PLAG1: variants seen among roughly 807,000 people sequenced by gnomAD.
PLAG1 encodes the protein PLAG1 zinc finger.
In PLAG1, 7 loss-of-function variants were observed where a neutral mutation model predicts 35.5. The observed-to-expected ratio is 0.20, with a 90% CI of 0.11 to 0.37. The LOEUF is 0.37. Among genes scored for constraint, PLAG1 ranks in the 10% least tolerant of loss-of-function variants. The pLI is 1.00. For synonymous variants in PLAG1, 229 were observed against 225.4 expected, an observed-to-expected ratio of 1.02 and a Z score of -0.14; for missense variants, 454 against 602.8, an observed-to-expected ratio of 0.75 and a Z score of 2.58.
At chr8:56,176,481 G>A (rs999363954) in intron 2 of PLAG1, among the ~76,000 whole-genome samples, 14 of 151,858 alleles carry the variant, frequency 9.2e-5, no homozygotes, top group African/African-American at 3.1e-4. Context: ...TACAATGGGT[G>A]GTACAACACT....
chr8:56,202,583 A>T (rs1812585950), intron 1 of PLAG1, among the ~76,000 whole-genome samples: 1 of 152,230 alleles, frequency 6.6e-6, no homozygotes, highest in Non-Finnish European at 1.5e-5. Context: ...TCAGCCTCTG[A>T]ATGTGATCAA....
rs780686291 is a variant in PLAG1 at position 56,166,441 on chromosome 8, T to C, written c.1305A>G (p.Leu435=). Residue 435 remains leucine (L), a synonymous_variant, in exon 5 of 5, where the codon CTA becomes CTG. Coordinates refer to ENST00000316981, the MANE Select transcript of PLAG1 (RefSeq NM_002655.3). ...AGCTCATTCCAAGGCTCCCCACTGA[T>C]AGAGGATTATAGGGAGGACCATTTA... ...IPLNGPPYNP[L]SVGSLGMSYS... 8 of 1,612,798 alleles carry C rather than the reference T, an allele frequency of 5.0e-6. No homozygotes were observed. In the Admixed American group the frequency reaches 6.7e-5, roughly 13 times the overall value.
At chr8:56,182,009 A>G (rs1223431545) in intron 1 of PLAG1, among the ~76,000 whole-genome samples, 1 of 152,226 alleles carries the variant, frequency 6.6e-6, no homozygotes, top group East Asian at 1.9e-4. Flanking sequence ...AGATGATTAG[A>G]TTCTAAGATG....
chr8:56,194,308 C>T (rs988440720), intron 1 of PLAG1, among the ~76,000 whole-genome samples: 4 of 137,952 alleles, frequency 2.9e-5, no homozygotes, highest in African/African-American at 1.1e-4. Flanking sequence ...GAGGGCACAA[C>T]TCTGTCTCAA....
rs118030754 is a variant in PLAG1 at position 56,197,665 on chromosome 8, T to C, written c.-322+13456A>G. Among the ~76,000 whole-genome samples the C allele has an allele frequency of 3.2e-4, 48 of 152,332 alleles. No homozygotes were observed. The East Asian group carries it at 8.1e-3, about 26-fold the overall frequency. ...CCCACTGTGCTTAGGTCTACGTGTT[T>C]CTCTGTCTGGGATTGTGGGTCTCCC... On this transcript the variant is annotated intron_variant, in intron 1 of 4. Transcript: ENST00000316981.
chr8:56,208,290 T>C (rs1410561145), intron 1 of PLAG1, among the ~76,000 whole-genome samples: 4 of 152,160 alleles, frequency 2.6e-5, no homozygotes, highest in African/African-American at 4.8e-5. Flanking sequence ...CAGAAGATCA[T>C]TGGGCATGGA....
intron 2 of PLAG1, among the ~76,000 whole-genome samples, chr8:56,178,960 C>A (rs1811786839): frequency 6.7e-6 from 1 of 148,990 alleles, no homozygotes; most frequent in Non-Finnish European, 1.5e-5. Context: ...CTGCCCCATC[C>A]CTGTGAGCAA....
At chr8:56,195,787 G>A (rs576596442) in intron 1 of PLAG1, among the ~76,000 whole-genome samples, 4 of 152,250 alleles carry the variant, frequency 2.6e-5, no homozygotes, top group Admixed American at 6.5e-5. Flanking sequence ...GGTGCAAGCC[G>A]GGAGGGGGCC....
intron 1 of PLAG1, among the ~76,000 whole-genome samples, chr8:56,201,475 T>C (rs574473468): frequency 1.3e-5 from 2 of 152,322 alleles, no homozygotes; most frequent in African/African-American, 4.8e-5. Flanking sequence ...CAATTCCTTA[T>C]GTACAGCTTA....
chr8:56,167,407 T>A lies in PLAG1; in HGVS notation c.339A>T (p.Thr113=), dbSNP rs753198125. Residue 113 remains threonine (T), a synonymous_variant, in exon 5 of 5, where the codon ACA becomes ACT. Transcript: ENST00000316981. This position sits in a 1 kb window ranked among gnomAD's most constrained non-coding sequence, Gnocchi z 5.9. ...RKDHLKNHLH[T]HDPNKETFKC... is the part of the protein sequence containing the mutation. ...TAAACGTCTCTTTGTTAGGGTCGTG[T>A]GTATGGAGGTGATTCTTCAGATGAT... 6.2e-7 allele frequency: 1 copy of A among 1,613,558 alleles called. No homozygotes were observed. Among genetic ancestry groups the A allele is most frequent in the Admixed American group, 1.7e-5 (1 of 59,974 alleles).
In PLAG1 at chr8:56,178,584, C is replaced by A. The variant is rs76849468; in HGVS notation, c.-217+825G>T. On this transcript the variant is annotated intron_variant, in intron 2 of 4. Transcript: ENST00000316981. ...TTAATTCGTGTACCTTTGATTTGATCAAGCTCTGTTGATGTATCTTGTGAA... is the reference window on the plus strand; with the variant it reads ...TTAATTCGTGTACCTTTGATTTGATAAAGCTCTGTTGATGTATCTTGTGAA... Among the ~76,000 whole-genome samples, 18 of 152,278 alleles carry A rather than the reference C, an allele frequency of 1.2e-4. 1 individual carries two copies. In the East Asian group the frequency reaches 3.5e-3, roughly 29 times the overall value.
intron 1 of PLAG1, among the ~76,000 whole-genome samples, chr8:56,208,010 CCAGT>C (rs781472264): frequency 6.6e-6 from 1 of 152,050 alleles, no homozygotes; most frequent in Non-Finnish European, 1.5e-5. Context: ...TGACAATAAA[CCAGT>C]CATAGTGTCC....
At chr8:56,171,332 C>G (rs967881602) in intron 2 of PLAG1, 143 bp from the exon 3 acceptor site, 1 of 152,928 alleles carries the variant, frequency 6.5e-6, no homozygotes, top group Non-Finnish European at 1.5e-5. Context: ...TAATTTTCAC[C>G]AACTACATAT....
intron 1 of PLAG1, among the ~76,000 whole-genome samples, chr8:56,183,027 A>T (rs915202012): frequency 1.7e-4 from 26 of 152,196 alleles, no homozygotes; most frequent in African/African-American, 5.8e-4. Context: ...TCTGGGAAGA[A>T]TGAGAAAGGA....
intron 1 of PLAG1, among the ~76,000 whole-genome samples, chr8:56,196,607 T>C (rs1181250343): frequency 6.6e-6 from 1 of 151,938 alleles, no homozygotes; most frequent in Admixed American, 6.6e-5. Context: ...CCGCGAGCGT[T>C]TCCTGCCCCA....
At chr8:56,196,364 C>T (rs945400159) in intron 1 of PLAG1, among the ~76,000 whole-genome samples, 5 of 152,154 alleles carry the variant, frequency 3.3e-5, no homozygotes, top group African/African-American at 7.2e-5. Context: ...GTGTACATCA[C>T]GCTCAGAGGA....
intron 1 of PLAG1, among the ~76,000 whole-genome samples, chr8:56,202,103 GTCTAAT>G (rs948639383): frequency 1.3e-5 from 2 of 151,834 alleles, no homozygotes; most frequent in African/African-American, 4.8e-5. Flanking sequence ...TAAAATACTA[GTCTAAT>G]TCTACTTTAT....
chr8:56,167,047 C>A lies in PLAG1; in HGVS notation c.699G>T (p.Lys233Asn). Residue 233 changes from lysine to asparagine, a missense_variant, in exon 5 of 5, where the codon AAG (lysine) becomes AAT (asparagine). Physicochemically the swap from Lys to Asn is moderately conservative, Grantham distance 94. Around this residue, in one of 4 missense-constraint regions of PLAG1, gnomAD observed 271 missense variants for 315.6 expected, o/e 0.86. Transcript: ENST00000316981. The surrounding 1 kb of genome is among the most constrained non-coding windows in gnomAD (Gnocchi z 5.9). ...GRKDHLTRHM[K>N]KSHNQELLKV... ...TCAGAAGCTCTTGATTGTGACTCTT[C>A]TTCATATGTCGAGTCAGGTGATCCT... 1 of 1,614,090 alleles carries A rather than the reference C, an allele frequency of 6.2e-7. No homozygotes were observed. Among genetic ancestry groups the A allele is most frequent in the Non-Finnish European group, 8.5e-7 (1 of 1,179,984 alleles).
Position 56,167,534 on chromosome 8 carries a change from T to C in PLAG1, c.243-31A>G. The C allele has an allele frequency of 7.0e-7, 1 of 1,431,448 alleles. No individual in the cohort carries two copies. Among genetic ancestry groups the C allele is most frequent in the African/African-American group, 1.4e-5 (1 of 70,164 alleles). 88.7% of individuals were successfully genotyped at this position (1,431,448 alleles called of 1,614,324 possible). A position where few individuals can be genotyped will look rare whatever the true frequency, so the allele number is the denominator to read the frequency against. On this transcript the variant is annotated intron_variant, in intron 4 of 4. Transcript: ENST00000316981. This position sits in a 1 kb window ranked among gnomAD's most constrained non-coding sequence, Gnocchi z 5.9. ...AACACAGATATAATCTATAAGTAGT[T>C]ATTATGACAAAAATGGCATGTATTC... is the stretch of plus-strand genomic sequence containing the variant.
Sources: allele counts gnomAD v4.1 joint callset (sites outside exome capture counted in the v4.1 genomes callset), GRCh38; gene constraint gnomAD v4.1.1; regional missense constraint gnomAD v4.1.1; non-coding constraint Gnocchi (gnomAD v3.1); transcripts MANE v1.5; gene names NCBI Gene and HGNC (gene_info 2026-07-23, HGNC 2026-07-21).